The following RARS2 variants were observed in gnomAD, a reference collection of about 807,000 sequenced individuals.
RARS2 encodes the protein arginyl-tRNA synthetase 2, mitochondrial.
A neutral mutation model predicts 88.5 loss-of-function variants in RARS2; 67 were observed. The observed-to-expected ratio is 0.76, with a 90% CI of 0.62 to 0.93. RARS2 has a LOEUF of 0.93. Ranked by LOEUF, RARS2 falls within the 40% of genes least tolerant of loss-of-function variation. The pLI is 0.00. For synonymous variants in RARS2, 239 were observed against 230.3 expected (o/e 1.04, Z -0.34); for missense variants, 664 against 684.2 (o/e 0.97, Z 0.33).
Position 87,572,223 on chromosome 6 carries a change from C to T in RARS2, c.37-2633G>A, listed in dbSNP as rs1447932920. Among the ~76,000 whole-genome samples, 3 of 151,992 alleles carry T rather than the reference C, an allele frequency of 2.0e-5. No individual in the cohort carries two copies. In the East Asian group the frequency reaches 5.8e-4, roughly 29 times the overall value. On this transcript the variant is annotated intron_variant, in intron 1 of 19. Coordinates refer to ENST00000369536, the MANE Select transcript of RARS2 (RefSeq NM_020320.5). The stretch of plus-strand genomic sequence containing the variant: ...CAGCTGAAATACGGGGATAATAAAT[C>T]TGTTAAATAATAAACTAGGGCTCTT...
In RARS2 at chr6:87,548,694, C is replaced by G. The variant is rs148623663; in HGVS notation, c.396-48G>C. 348 of 1,554,288 alleles carry G rather than the reference C, an allele frequency of 2.2e-4. 3 individuals are homozygous for G. The East Asian group carries it at 5.2e-3, about 23-fold the overall frequency. On this transcript the variant is annotated intron_variant, in intron 5 of 19. Transcript: ENST00000369536. The stretch of plus-strand genomic sequence containing the variant: ...TTCTCTATTCTAAGACTTAAGACTT[C>G]TAAGAATCAACTAGGTCATGCCTCC...
intron 1 of RARS2, among the ~76,000 whole-genome samples, chr6:87,573,601 A>G (rs1314611623): frequency 2.0e-5 from 3 of 152,212 alleles, no homozygotes; most frequent in Non-Finnish European, 4.4e-5. Context: ...ATGGTTGCAC[A>G]ATGTAAATGT....
At chr6:87,530,640 C>A in intron 9 of RARS2, 144 bp downstream of exon 9, 4 of 906,000 alleles carry the variant, frequency 4.4e-6, no homozygotes, top group Non-Finnish European at 4.9e-6. Context: ...TCTTTCAGCC[C>A]AAAAAAAAAA....
chr6:87,533,326 AAAAC>A (rs1438293660), intron 8 of RARS2, among the ~76,000 whole-genome samples: 1 of 152,202 alleles, frequency 6.6e-6, no homozygotes, highest in African/African-American at 2.4e-5. Flanking sequence ...ATGTACTTAT[AAAAC>A]AAACATTAGT....
At chr6:87,524,757 G>A in intron 10 of RARS2, 105 bp from the exon 11 acceptor site, 4 of 806,120 alleles carry the variant, frequency 5.0e-6, no homozygotes, top group African/African-American at 1.7e-5. Context: ...TATTACCCAC[G>A]TTGCAATGAG....
chr6:87,518,470 A>T (rs1311049631), intron 16 of RARS2, 160 bp downstream of exon 16: 1 of 1,355,728 alleles, frequency 7.4e-7, no homozygotes, highest in Non-Finnish European at 9.9e-7. Context: ...ATAGGTGCTC[A>T]ATAAATTTTT....
chr6:87,545,871 G>A (rs1025328328), intron 6 of RARS2, among the ~76,000 whole-genome samples, 172 bp from the exon 7 acceptor site: 2 of 151,990 alleles, frequency 1.3e-5, no homozygotes, highest in African/African-American at 4.8e-5. Context: ...TTATGGAAAG[G>A]GAGTAAGAAA....
intron 1 of RARS2, chr6:87,584,708 C>T: frequency 2.1e-6 from 1 of 467,216 alleles, no homozygotes; most frequent in Non-Finnish European, 4.3e-6. Context: ...CTGACAAACC[C>T]AGCTTCTCAG....
intron 2 of RARS2, among the ~76,000 whole-genome samples, chr6:87,567,670 T>C (rs1163136199): frequency 6.6e-6 from 1 of 152,268 alleles, no homozygotes; most frequent in African/African-American, 2.4e-5. Flanking sequence ...GAATTTATTA[T>C]GGCAAAGCAC....
intron 3 of RARS2, among the ~76,000 whole-genome samples, chr6:87,563,289 A>G (rs534792692): frequency 1.3e-5 from 2 of 152,354 alleles, no homozygotes; most frequent in East Asian, 3.9e-4. Context: ...TGGAACTTGA[A>G]GAGATATCTG....
At chr6:87,571,796 C>G (rs1425430079) in intron 1 of RARS2, among the ~76,000 whole-genome samples, 1 of 152,172 alleles carries the variant, frequency 6.6e-6, no homozygotes, top group African/African-American at 2.4e-5. Flanking sequence ...TAAAAACTTG[C>G]CCAAACTTGC....
intron 1 of RARS2, among the ~76,000 whole-genome samples, chr6:87,587,522 T>C (rs1341169227): frequency 6.6e-6 from 1 of 152,222 alleles, no homozygotes; most frequent in Non-Finnish European, 1.5e-5. Context: ...ACTGTGCTTC[T>C]TGCTTTCACA....
intron 5 of RARS2, 46 bp from the exon 6 acceptor site, chr6:87,548,692 T>C (rs1275383057): frequency 6.4e-7 from 1 of 1,553,902 alleles, no homozygotes; most frequent in Non-Finnish European, 8.8e-7. Flanking sequence ...GACTTAAGAC[T>C]TCTAAGAATC....
chr6:87,536,883 C>T (rs1208851313), intron 8 of RARS2, among the ~76,000 whole-genome samples: 3 of 152,134 alleles, frequency 2.0e-5, no homozygotes, highest in Non-Finnish European at 4.4e-5. Flanking sequence ...GTTTCAAATG[C>T]TTGCCAACAA....
intron 10 of RARS2, among the ~76,000 whole-genome samples, chr6:87,525,477 C>G (rs1365876085): frequency 6.6e-6 from 1 of 151,346 alleles, no homozygotes; most frequent in African/African-American, 2.4e-5. Flanking sequence ...CCGCCAAAAA[C>G]TGTTAGAATA....
chr6:87,518,207 T>C lies in RARS2; in HGVS notation c.1473A>G (p.Gln491=), dbSNP rs774406076. The part of the protein sequence containing the change: ...YLNDFNTACL[Q]EPQSVSILQH... ...GAAGAATTGAAACAGACTGTGGCTCTTGTAAACAAGCAGTGTTGAAGTCAT... is the reference window on the plus strand; with the variant it reads ...GAAGAATTGAAACAGACTGTGGCTCCTGTAAACAAGCAGTGTTGAAGTCAT... Residue 491 remains glutamine, a synonymous_variant, in exon 17 of 20, where the codon CAA becomes CAG. Coordinates refer to ENST00000369536, the MANE Select transcript of RARS2 (RefSeq NM_020320.5). 3 of 1,614,188 alleles carry C rather than the reference T, an allele frequency of 1.9e-6. No homozygotes were observed. The highest frequency in any genetic ancestry group is 1.7e-5 in the Admixed American group (1 of 60,020).
rs7773906 is a variant in RARS2, at chr6:87,542,151, T to A, written c.536-157A>T. 0.61 allele frequency among the ~76,000 whole-genome samples: 92,663 copies of A among 152,028 alleles called. 29,046 individuals are homozygous for A. Among genetic ancestry groups the A allele is most frequent in the African/African-American group, 0.75 (31,271 of 41,484 alleles). On this transcript the variant is annotated intron_variant, in intron 7 of 19. Coordinates refer to ENST00000369536, the MANE Select transcript of RARS2 (RefSeq NM_020320.5). ...ACTTTTACCTTCTATGACCCCATAA[T>A]CTGACACAAGTCAAATTCAATATAT...
intron 1 of RARS2, among the ~76,000 whole-genome samples, chr6:87,580,984 T>C (rs1458291189): frequency 2.6e-5 from 4 of 152,170 alleles, no homozygotes. Flanking sequence ...TAATAGAATC[T>C]TTGGCTCCAG....
chr6:87,548,204 C>T (rs1220584125), intron 6 of RARS2, among the ~76,000 whole-genome samples: 1 of 152,076 alleles, frequency 6.6e-6, no homozygotes, highest in East Asian at 1.9e-4. Flanking sequence ...GATTGCGCCA[C>T]TGCACTCCAG....
Sources: allele counts gnomAD v4.1 joint callset (sites outside exome capture counted in the v4.1 genomes callset), GRCh38; gene constraint gnomAD v4.1.1; transcripts MANE v1.5; gene names NCBI Gene and HGNC (gene_info 2026-07-23, HGNC 2026-07-21).